SUGCT: variants seen among roughly 807,000 people sequenced by gnomAD.
SUGCT encodes succinyl-CoA:glutarate-CoA transferase.
SUGCT carries 41 observed loss-of-function variants against 55.0 expected under a neutral mutation model. The observed-to-expected ratio is 0.74, with a 90% CI of 0.58 to 0.97. The LOEUF is 0.97. Ranked by LOEUF, SUGCT falls within the 50% of genes least tolerant of loss-of-function variation. SUGCT has a pLI of 0.00. For missense variants in SUGCT, 568 were observed against 547.8 expected, an observed-to-expected ratio of 1.04 and a Z score of -0.37; for synonymous variants, 187 against 200.4, an observed-to-expected ratio of 0.93 and a Z score of 0.56.
chr7:40,217,203 A>G (rs1787714489), intron 6 of SUGCT, among the ~76,000 whole-genome samples: 3 of 151,546 alleles, frequency 2.0e-5, no homozygotes, highest in Non-Finnish European at 4.4e-5. Context: ...TTGATTCCAG[A>G]ATTATTCTTC....
At chr7:40,560,120 C>T (rs1795758576) in intron 12 of SUGCT, among the ~76,000 whole-genome samples, 1 of 152,176 alleles carries the variant, frequency 6.6e-6, no homozygotes, top group South Asian at 2.1e-4. Context: ...TATAACACAT[C>T]TCCCCACTTC....
chr7:40,180,894 A>G, intron 1 of SUGCT, 53 bp from the exon 2 acceptor site: 1 of 1,352,214 alleles, frequency 7.4e-7, no homozygotes, highest in South Asian at 1.2e-5. Context: ...GTATGTGAAA[A>G]TGTAAGAAAA....
At chr7:40,719,711 G>A (rs927234380) in intron 12 of SUGCT, among the ~76,000 whole-genome samples, 3 of 152,182 alleles carry the variant, frequency 2.0e-5, no homozygotes, top group Admixed American at 6.5e-5. Context: ...AAGCAATGAA[G>A]CTGCTGAAAT....
the SUGCT span, among the ~76,000 whole-genome samples, chr7:40,908,735 G>A: frequency 6.6e-6 from 1 of 152,202 alleles, no homozygotes; most frequent in East Asian, 1.9e-4. Context: ...TCAGGGAATT[G>A]GTTAAATAAA....
chr7:40,291,672 A>T (rs184087577), intron 8 of SUGCT, among the ~76,000 whole-genome samples: 57,256 of 149,238 alleles, frequency 0.38, 11,152 homozygotes, highest in East Asian at 0.47. Context: ...AAAATAAAAA[A>T]ATATATATAT....
intron 9 of SUGCT, among the ~76,000 whole-genome samples, chr7:40,444,133 G>A (rs1354742159): frequency 6.6e-6 from 1 of 152,180 alleles, no homozygotes; most frequent in Non-Finnish European, 1.5e-5. Flanking sequence ...TAGCCTTGTA[G>A]TGTAGTTTGA....
intron 9 of SUGCT, among the ~76,000 whole-genome samples, chr7:40,439,582 T>C (rs1788386964): frequency 6.6e-6 from 1 of 152,174 alleles, no homozygotes; most frequent in Admixed American, 6.5e-5. Flanking sequence ...GTATTCCAGT[T>C]GTGTTAACTG....
the SUGCT span, among the ~76,000 whole-genome samples, chr7:40,896,225 A>C: frequency 6.6e-6 from 1 of 152,240 alleles, no homozygotes; most frequent in East Asian, 1.9e-4. Flanking sequence ...AAAATAAGAA[A>C]ACAATCCCAT....
chr7:40,971,901 G>A, the SUGCT span, among the ~76,000 whole-genome samples: 2 of 152,034 alleles, frequency 1.3e-5, no homozygotes, highest in East Asian at 1.9e-4. Context: ...GCAGGTCTTT[G>A]TCAATTAATA....
the SUGCT span, among the ~76,000 whole-genome samples, chr7:40,960,862 C>T: frequency 1.3e-5 from 2 of 152,190 alleles, no homozygotes; most frequent in African/African-American, 4.8e-5. Flanking sequence ...AGTCCACAAA[C>T]ATGTATATGT....
chr7:40,395,973 A>G (rs1014049176), intron 9 of SUGCT, among the ~76,000 whole-genome samples: 11 of 152,204 alleles, frequency 7.2e-5, no homozygotes, highest in Non-Finnish European at 1.6e-4. Flanking sequence ...AACAGCCTCT[A>G]TAAGGACTTT....
At chr7:40,636,175 GTC>G (rs1800013248) in intron 12 of SUGCT, among the ~76,000 whole-genome samples, 1 of 152,188 alleles carries the variant, frequency 6.6e-6, no homozygotes, top group Non-Finnish European at 1.5e-5. Flanking sequence ...AGGCCAGCTT[GTC>G]TCTGTTTCAC....
At position 40,190,468 on chromosome 7, in the gene SUGCT, C is replaced by T. The variant is rs182124462; in HGVS notation, c.363+874C>T. Among the ~76,000 whole-genome samples the T allele has an allele frequency of 3.3e-3, 496 of 152,152 alleles. 1 individual carries two copies. Among genetic ancestry groups the T allele is most frequent in the Non-Finnish European group, 5.2e-3 (352 of 67,984 alleles). On this transcript the variant is annotated intron_variant, in intron 5 of 13. Transcript: ENST00000335693. ...TTTCACCATGTTGGCCAGGCTGGTT[C>T]GAACTCCTTACTTCAAGTGATCTGC...
chr7:40,398,828 G>T (rs989921741), intron 9 of SUGCT, among the ~76,000 whole-genome samples: 68 of 152,248 alleles, frequency 4.5e-4, no homozygotes, highest in African/African-American at 1.6e-3. Flanking sequence ...AGTGAACAAA[G>T]GATTGAATTA....
chr7:40,887,577 G>A, the SUGCT span, among the ~76,000 whole-genome samples: 1 of 152,186 alleles, frequency 6.6e-6, no homozygotes, highest in African/African-American at 2.4e-5. Context: ...TATTGACTGA[G>A]ACAGAATACA....
intron 13 of SUGCT, among the ~76,000 whole-genome samples, chr7:40,754,712 G>A (rs1788174149): frequency 6.6e-6 from 1 of 152,230 alleles, no homozygotes; most frequent in Non-Finnish European, 1.5e-5. Context: ...TTCACTTTCA[G>A]TGTGTAACTA....
chr7:40,525,323 A>G (rs756486931), intron 12 of SUGCT, among the ~76,000 whole-genome samples: 7 of 152,116 alleles, frequency 4.6e-5, no homozygotes, highest in African/African-American at 1.4e-4. Flanking sequence ...TAGGGTTCAC[A>G]TAAGGAAAGA....
chr7:40,955,202 G>A, the SUGCT span, among the ~76,000 whole-genome samples: 1 of 152,112 alleles, frequency 6.6e-6, no homozygotes, highest in Admixed American at 6.6e-5. Context: ...GATGGGAAAA[G>A]CATTGCATCT....
chr7:40,441,952 A>G (rs572844585), intron 9 of SUGCT, among the ~76,000 whole-genome samples: 2 of 152,168 alleles, frequency 1.3e-5, no homozygotes, highest in African/African-American at 2.4e-5. Context: ...GACTGGTTGT[A>G]TTACTTCCTT....
Sources: gnomAD v4.1 joint callset for allele counts (sites outside exome capture counted in the v4.1 genomes callset) on GRCh38, gnomAD v4.1.1 for gene constraint, MANE v1.5 for transcripts, NCBI Gene and HGNC (gene_info 2026-07-23, HGNC 2026-07-21) for gene names.